SYK: variants seen among roughly 807,000 people sequenced by gnomAD.
SYK encodes tyrosine-protein kinase SYK.
A neutral mutation model predicts 77.8 loss-of-function variants in SYK; 16 were observed. The ratio of observed to expected loss-of-function variants is 0.21; its 90% CI spans 0.14 to 0.31. The LOEUF (loss-of-function observed/expected upper bound fraction) is 0.31, where lower values mean the gene tolerates loss of function less well. Among genes scored for constraint, SYK ranks in the 10% least tolerant of loss-of-function variants. The probability of loss-of-function intolerance (pLI) is 1.00; values close to 1 mark genes in which losing one functional copy is unlikely to be tolerated. For missense variants in SYK, 529 were observed against 814.4 expected, an observed-to-expected ratio of 0.65 and a Z score of 4.26; for synonymous variants, 312 against 308.7, an observed-to-expected ratio of 1.01 and a Z score of -0.11.
intron 3 of SYK, among the ~76,000 whole-genome samples, chr9:90,860,727 C>T (rs1827222717): frequency 6.6e-6 from 1 of 152,162 alleles, no homozygotes; most frequent in Non-Finnish European, 1.5e-5. Context: ...CCCATGCCAT[C>T]GTTCAGCTTT....
intron 13 of SYK, among the ~76,000 whole-genome samples, chr9:90,889,148 G>A (rs917916177): frequency 2.0e-5 from 3 of 152,228 alleles, no homozygotes; most frequent in African/African-American, 7.2e-5. Context: ...CATACGTCTC[G>A]CTTAGTGGAT....
rs1491218012 is a variant in SYK at position 90,842,758 on chromosome 9, A to AGAGT, written c.-41-1099_-41-1098insAGTG. 3.4e-4 allele frequency among the ~76,000 whole-genome samples: 20 copies of AGAGT among 58,394 alleles called. No individual in the cohort carries two copies. The South Asian group carries it at 3.5e-3, about 10-fold the overall frequency. 38.3% of individuals were successfully genotyped at this position (58,394 alleles called of 152,430 possible). On this transcript the variant is annotated intron_variant, in intron 1 of 13. Transcript: ENST00000375754. ...TGTAGTGTGCATGTGGTATGGAGAG[A>AGAGT]GTGTGTGTGTGTGTGTGTGTGTGTG...
At chr9:90,848,821 C>T (rs1411432249) in intron 3 of SYK, among the ~76,000 whole-genome samples, 1 of 152,234 alleles carries the variant, frequency 6.6e-6, no homozygotes. Flanking sequence ...TAGGAAAGAA[C>T]TGCATTTAAG....
rs544944678 is a variant in SYK, at chr9:90,826,130, C to T, written c.-41-17728C>T. Among the ~76,000 whole-genome samples the T allele has an allele frequency of 7.9e-5, 12 of 152,328 alleles. No homozygotes were observed. The South Asian group carries it at 1.0e-3, about 13-fold the overall frequency. ...GTTAGGCAGGAAAGCCCCAAGCTTA[C>T]ATTTGGATGGGTTGACTATGAGGGC... On this transcript the variant is annotated intron_variant, in intron 1 of 13. Coordinates refer to ENST00000375754, the MANE Select transcript of SYK (RefSeq NM_003177.7).
At chr9:90,875,436 T>C (rs1827890003) in intron 9 of SYK, among the ~76,000 whole-genome samples, 1 of 146,724 alleles carries the variant, frequency 6.8e-6, no homozygotes, top group African/African-American at 2.5e-5. Flanking sequence ...AAGAAGAACA[T>C]CATATTTGTA....
chr9:90,860,643 G>T (rs1389732356), intron 3 of SYK, among the ~76,000 whole-genome samples: 1 of 152,168 alleles, frequency 6.6e-6, no homozygotes, highest in Non-Finnish European at 1.5e-5. Context: ...ACCCTGGCCA[G>T]CTGCCCTGAG....
chr9:90,868,902 C>A (rs1827620927), intron 7 of SYK, among the ~76,000 whole-genome samples: 1 of 152,120 alleles, frequency 6.6e-6, no homozygotes, highest in Non-Finnish European at 1.5e-5. Flanking sequence ...ATTTAAATGC[C>A]TATCAATGGA....
At chr9:90,863,691 G>A (rs1406230961) in intron 4 of SYK, among the ~76,000 whole-genome samples, 1 of 152,170 alleles carries the variant, frequency 6.6e-6, no homozygotes, top group African/African-American at 2.4e-5. Context: ...AAGCCCCAAA[G>A]CACATCAGGG....
At chr9:90,866,933 A>T (rs1827520632) in intron 6 of SYK, among the ~76,000 whole-genome samples, 198 bp from the exon 7 acceptor site, 1 of 152,134 alleles carries the variant, frequency 6.6e-6, no homozygotes, top group African/African-American at 2.4e-5. Context: ...ATATTTCTAG[A>T]TCCTTCTTCC....
chr9:90,886,175 A>G (rs1272935761), intron 11 of SYK, among the ~76,000 whole-genome samples: 4 of 152,272 alleles, frequency 2.6e-5, no homozygotes, highest in Non-Finnish European at 1.5e-5. Flanking sequence ...TCTCAAAAGA[A>G]GATATACAAA....
chr9:90,854,211 G>A (rs1587866168), intron 3 of SYK, among the ~76,000 whole-genome samples: 1 of 152,326 alleles, frequency 6.6e-6, no homozygotes, highest in East Asian at 1.9e-4. Flanking sequence ...ACACCATGAG[G>A]TGTTGAGAGA....
At chr9:90,883,086 A>G (rs550853073) in intron 11 of SYK, among the ~76,000 whole-genome samples, 1 of 152,170 alleles carries the variant, frequency 6.6e-6, no homozygotes, top group South Asian at 2.1e-4. Context: ...ACTGAGAACC[A>G]AGTCCCCAAA....
rs1429365474 is a variant in SYK, at chr9:90,853,932, C to T, written c.579-8274C>T. Reference sequence around the variant, plus strand: ...AGAGAGCAGGGCAGCAAGAGATTCACGGGGTAGCATGGGTATGGTGGCCAG... The same window carrying T: ...AGAGAGCAGGGCAGCAAGAGATTCATGGGGTAGCATGGGTATGGTGGCCAG... On this transcript the variant is annotated intron_variant, in intron 3 of 13. Coordinates refer to ENST00000375754, the MANE Select transcript of SYK (RefSeq NM_003177.7). Among the ~76,000 whole-genome samples the T allele has an allele frequency of 3.3e-5, 5 of 151,938 alleles. No individual in the cohort carries two copies. The East Asian group carries it at 7.7e-4, about 23-fold the overall frequency.
chr9:90,857,508 C>T (rs931960991), intron 3 of SYK, among the ~76,000 whole-genome samples: 1 of 152,224 alleles, frequency 6.6e-6, no homozygotes, highest in African/African-American at 2.4e-5. Context: ...GTTAAAACAG[C>T]TTGGTGTGGC....
intron 1 of SYK, among the ~76,000 whole-genome samples, chr9:90,823,317 T>C (rs2118429804): frequency 6.6e-6 from 1 of 152,298 alleles, no homozygotes; most frequent in South Asian, 2.1e-4. Context: ...TAGTTAGAGA[T>C]TTTAATCTCT....
At chr9:90,821,959 T>C (rs1825534269) in intron 1 of SYK, among the ~76,000 whole-genome samples, 1 of 152,082 alleles carries the variant, frequency 6.6e-6, no homozygotes, top group African/African-American at 2.4e-5. Context: ...GCATCAACAA[T>C]AGATATGAAA....
chr9:90,807,908 C>T (rs1460835), intron 1 of SYK, among the ~76,000 whole-genome samples: 35,646 of 152,046 alleles, frequency 0.23, 4,244 homozygotes, highest in Middle Eastern at 0.35. Flanking sequence ...CATGTGTGCA[C>T]GTCTTCAGAA....
intron 9 of SYK, among the ~76,000 whole-genome samples, chr9:90,876,737 C>T (rs1827951671): frequency 2.0e-5 from 3 of 152,214 alleles, no homozygotes; most frequent in Admixed American, 2.0e-4. Flanking sequence ...GTCTTTCAAT[C>T]TATAAACACA....
At chr9:90,811,831 T>C (rs913457114) in intron 1 of SYK, among the ~76,000 whole-genome samples, 3 of 145,624 alleles carry the variant, frequency 2.1e-5, no homozygotes, top group African/African-American at 7.7e-5. Context: ...GGCGCTGAGG[T>C]GGGGGGATCA....
Sources: allele counts gnomAD v4.1 joint callset (sites outside exome capture counted in the v4.1 genomes callset), GRCh38; gene constraint gnomAD v4.1.1; transcripts MANE v1.5; gene names NCBI Gene and HGNC (gene_info 2026-07-23, HGNC 2026-07-21).